The following ZNF207 variants were observed in gnomAD, a reference collection of about 807,000 sequenced individuals.
ZNF207 encodes the protein BUB3-interacting and GLEBS motif-containing protein ZNF207.
A neutral mutation model predicts 60.2 loss-of-function variants in ZNF207; 24 were observed. The observed-to-expected ratio is 0.40, with a 90% confidence interval of 0.29 to 0.56. The LOEUF (loss-of-function observed/expected upper bound fraction) is 0.56. Among genes scored for constraint, ZNF207 ranks in the 20% least tolerant of loss-of-function variants. The pLI is 0.49. For missense variants in ZNF207, 452 were observed against 636.6 expected, an observed-to-expected ratio of 0.71 and a Z score of 3.12; for synonymous variants, 236 against 194.7, an observed-to-expected ratio of 1.21 and a Z score of -1.77.
chr17:32,369,098 T>G, intron 10 of ZNF207, 197 bp from the exon 11 acceptor site: 1 of 530,544 alleles, frequency 1.9e-6, no homozygotes, highest in Non-Finnish European at 3.3e-6. Context: ...ATGCTTCAAG[T>G]TTACAAATAG....
intron 11 of ZNF207, 55 bp from the exon 12 acceptor site, chr17:32,369,544 A>T: frequency 6.3e-7 from 1 of 1,586,558 alleles, no homozygotes; most frequent in Non-Finnish European, 8.6e-7. Context: ...CGTTGCACTT[A>T]AAAGTACAAT....
chr17:32,365,684 G>A (rs911690156), intron 8 of ZNF207, 197 bp downstream of exon 8: 7 of 321,626 alleles, frequency 2.2e-5, no homozygotes, highest in African/African-American at 1.1e-4. Flanking sequence ...AAGGTTGAAC[G>A]GAGCCAAAGT....
chr17:32,365,527 A>AAT, intron 8 of ZNF207, 40 bp downstream of exon 8: 2 of 1,602,308 alleles, frequency 1.2e-6, no homozygotes. Context: ...CTTATATTTA[A>AAT]AGATAAAGTA....
chr17:32,381,387 C>G lies in ZNF207; in HGVS notation c.*11628C>G, dbSNP rs1428869392. The G allele has an allele frequency of 6.6e-6, 1 of 152,182 alleles. No individual in the cohort carries two copies. The highest frequency in any genetic ancestry group is 6.5e-5 in the Admixed American group (1 of 15,284). The allele number at this position is 152,182 out of a possible 1,614,324, so 9.4% of individuals were successfully genotyped here. A position where few individuals can be genotyped will look rare whatever the true frequency, so the allele number is the denominator to read the frequency against. On this transcript the variant is annotated 3_prime_UTR_variant, in exon 12 of 12. Transcript: ENST00000394670. Reference sequence around the variant, plus strand: ...TTTTTAATGTAAGTAAATGAGCTCACTAAGGGTAATTAAATACTAGCTTTT... The same window carrying G: ...TTTTTAATGTAAGTAAATGAGCTCAGTAAGGGTAATTAAATACTAGCTTTT...
intron 1 of ZNF207, chr17:32,350,914 C>A (rs1597748616): frequency 1.3e-5 from 2 of 148,622 alleles, no homozygotes; most frequent in East Asian, 2.0e-4. Flanking sequence ...CCTTAATCTT[C>A]AGGAAGCGTT....
Position 32,368,152 on chromosome 17 carries a change from C to T in ZNF207, c.1164+138C>T, listed in dbSNP as rs889477843. 7.2e-6 allele frequency: 9 copies of T among 1,249,636 alleles called. No homozygotes were observed. In the Admixed American group the frequency reaches 2.4e-4, roughly 33 times the overall value. 77.4% of individuals were successfully genotyped at this position (1,249,636 alleles called of 1,614,324 possible). ...TGCTCACTAAGTGGTTTTTGCCATT[C>T]TGATTCTTAAGAAATCATAAAATAC... On this transcript the variant is annotated intron_variant, in intron 10 of 11. Coordinates refer to ENST00000394670, the MANE Select transcript of ZNF207 (RefSeq NM_001098507.2).
intron 6 of ZNF207, 132 bp downstream of exon 6, chr17:32,361,647 A>G (rs1904886098): frequency 1.4e-6 from 1 of 698,930 alleles, no homozygotes; most frequent in South Asian, 2.9e-5. Context: ...TTGCAAGCTA[A>G]TTAACACAGG....
At position 32,357,339 on chromosome 17, in the gene ZNF207, A is replaced by ATTTTTTTT. The variant is rs1405292203; in HGVS notation, c.169-1162_169-1161insTTTTTTTT. Among the ~76,000 whole-genome samples, 6 of 81,930 alleles carry ATTTTTTTT rather than the reference A, an allele frequency of 7.3e-5. 1 individual carries two copies. The highest frequency in any genetic ancestry group is 3.7e-4 in the African/African-American group (6 of 16,164). The allele number at this position is 81,930 out of a possible 152,430, so 53.7% of individuals were successfully genotyped here. On this transcript the variant is annotated intron_variant, in intron 2 of 11. Coordinates refer to ENST00000394670, the MANE Select transcript of ZNF207 (RefSeq NM_001098507.2). ...TATTATTATTATTATTATTATTATT[A>ATTTTTTTT]TTATTATTATTATTTTTTTTTTTTT...
chr17:32,358,632 A>G lies in ZNF207; in HGVS notation c.298A>G (p.Lys100Glu). ...MDERRRLLEQKTQESQKKKQQ... is the reference protein window; with the variant it reads ...MDERRRLLEQETQESQKKKQQ... ...TGAAAGACGACGACTTCTTGAACAGAAAACACAAGGTAAATATTGGGATAA... is the reference window on the plus strand; with the variant it reads ...TGAAAGACGACGACTTCTTGAACAGGAAACACAAGGTAAATATTGGGATAA... Residue 100 changes from lysine to glutamate, a missense_variant, in exon 3 of 12, where the codon AAA becomes GAA. This residue lies in a region of ZNF207 where 62 missense variants were observed against 175.3 expected (regional missense o/e 0.35). Coordinates refer to ENST00000394670, the MANE Select transcript of ZNF207 (RefSeq NM_001098507.2). 6.7e-7 allele frequency: 1 copy of G among 1,501,030 alleles called. No individual in the cohort carries two copies. The highest frequency in any genetic ancestry group is 8.8e-7 in the Non-Finnish European group (1 of 1,134,666). The allele number at this position is 1,501,030 out of a possible 1,614,324, so 93.0% of individuals were successfully genotyped here. A position where few individuals can be genotyped will look rare whatever the true frequency, so the allele number is the denominator to read the frequency against.
At position 32,351,653 on chromosome 17, in the gene ZNF207, A is replaced by C. The variant is rs768428891; in HGVS notation, c.42-133A>C. The stretch of plus-strand genomic sequence containing the variant: ...AAGTGTAGTCCCTAATTGTGTAATA[A>C]ATATAAAAAGCAGAGTTTCTATACA... On this transcript the variant is annotated intron_variant, in intron 1 of 11. Coordinates refer to ENST00000394670, the MANE Select transcript of ZNF207 (RefSeq NM_001098507.2). 7 of 1,572,184 alleles carry C rather than the reference A, an allele frequency of 4.5e-6. No homozygotes were observed. The South Asian group carries it at 8.0e-5, about 18-fold the overall frequency.
In ZNF207 at chr17:32,364,819, T is replaced by G. The variant is rs551795032; in HGVS notation, c.671-511T>G. On this transcript the variant is annotated intron_variant, in intron 7 of 11. Transcript: ENST00000394670. The stretch of plus-strand genomic sequence containing the variant: ...TTATGTTGTGGTACATATTTAGGTA[T>G]TTAAAAGAATACAGAATAATAATTG... Among the ~76,000 whole-genome samples the G allele has an allele frequency of 2.0e-5, 3 of 152,348 alleles. No homozygotes were observed. The South Asian group carries it at 6.2e-4, about 32-fold the overall frequency.
At chr17:32,368,492 G>A (rs1905301376) in intron 10 of ZNF207, 1 of 164,516 alleles carries the variant, frequency 6.1e-6, no homozygotes, top group Admixed American at 6.0e-5. Flanking sequence ...ACTTGATCAG[G>A]AGTTCAAGAC....
chr17:32,361,257 A>G, intron 5 of ZNF207: 1 of 569,946 alleles, frequency 1.8e-6, no homozygotes, highest in Non-Finnish European at 3.1e-6. Context: ...TGAGATTCAG[A>G]ATTATCTGTG....
At chr17:32,357,443 T>C (rs920788706) in intron 2 of ZNF207, among the ~76,000 whole-genome samples, 4 of 149,358 alleles carry the variant, frequency 2.7e-5, no homozygotes, top group Non-Finnish European at 5.9e-5. Flanking sequence ...CTGCCTCCCG[T>C]GTTCAAGCGA....
chr17:32,361,469 T>C lies in ZNF207; in HGVS notation c.553T>C (p.Leu185=). 6.2e-7 allele frequency: 1 copy of C among 1,607,992 alleles called. No homozygotes were observed. Among genetic ancestry groups the C allele is most frequent in the Non-Finnish European group, 8.5e-7 (1 of 1,177,096 alleles). Residue 185 remains leucine (L), a splice_region_variant and synonymous_variant, in exon 6 of 12, where the codon TTG becomes CTG. Transcript: ENST00000394670. Reference sequence around the variant, plus strand: ...TGATTTTGTCATACATTTTCACAGATTGCATCATCAGAGAAAATACACCCA... The same window carrying C: ...TGATTTTGTCATACATTTTCACAGACTGCATCATCAGAGAAAATACACCCA... The part of the protein sequence containing the change: ...PPVMPGMPPG[L]HHQRKYTQSF...
At chr17:32,361,165 T>G (rs1048574122) in intron 5 of ZNF207, 198 bp downstream of exon 5, 36 of 645,934 alleles carry the variant, frequency 5.6e-5, no homozygotes, top group Non-Finnish European at 8.9e-5. Flanking sequence ...ATTTTTGGGT[T>G]TTAGGGTATA....
Position 32,373,232 on chromosome 17 carries a change from A to G in ZNF207, c.*3473A>G, listed in dbSNP as rs938152177. ...TTGGGGAGGGGGATTCCCCAACAAA[A>G]AGAAGTACGGGCTCAGAGTGGAATT... On this transcript the variant is annotated 3_prime_UTR_variant, in exon 12 of 12. Coordinates refer to ENST00000394670, the MANE Select transcript of ZNF207 (RefSeq NM_001098507.2). The G allele has an allele frequency of 4.4e-6, 2 of 453,178 alleles. No individual in the cohort carries two copies. The highest frequency in any genetic ancestry group is 7.9e-6 in the Non-Finnish European group (2 of 253,934). 28.1% of individuals were successfully genotyped at this position (453,178 alleles called of 1,614,324 possible). A position where few individuals can be genotyped will look rare whatever the true frequency, so the allele number is the denominator to read the frequency against.
chr17:32,367,282 T>TATATATGTATAA (rs1445385221), intron 9 of ZNF207, among the ~76,000 whole-genome samples: 1 of 82,862 alleles, frequency 1.2e-5, no homozygotes, highest in Non-Finnish European at 2.2e-5. Flanking sequence ...TATATATATA[T>TATATATGTATAA]ATAAAGAATA....
chr17:32,359,868 A>G (rs1904755178), intron 3 of ZNF207, among the ~76,000 whole-genome samples: 1 of 152,216 alleles, frequency 6.6e-6, no homozygotes, highest in South Asian at 2.1e-4. Flanking sequence ...AGTCTGGGCA[A>G]CAGAGTGAGA....
Sources: gnomAD v4.1 joint callset for allele counts (sites outside exome capture counted in the v4.1 genomes callset) on GRCh38, gnomAD v4.1.1 for gene constraint, gnomAD v4.1.1 regional missense constraint, MANE v1.5 for transcripts, NCBI Gene and HGNC (gene_info 2026-07-23, HGNC 2026-07-21) for gene names.